The following RHOT1 variants were observed in gnomAD, a reference collection of about 807,000 sequenced individuals.
RHOT1 encodes ras homolog family member T1.
Under a neutral mutation model 95.3 loss-of-function variants are expected in RHOT1, and 27 were observed. The observed-to-expected ratio is 0.28, with a 90% CI of 0.21 to 0.39. RHOT1 has a LOEUF of 0.39. RHOT1 is among the 10% of genes least tolerant of loss of function. The pLI, the probability that RHOT1 is intolerant of heterozygous loss-of-function variation, is 1.00. For missense variants in RHOT1, 578 were observed against 786.7 expected (o/e 0.73, Z 3.17); for synonymous variants, 227 against 263.5 (o/e 0.86, Z 1.34).
At chr17:32,157,719 T>A (rs2033105026) in intron 1 of RHOT1, among the ~76,000 whole-genome samples, 1 of 151,804 alleles carries the variant, frequency 6.6e-6, no homozygotes, top group Non-Finnish European at 1.5e-5. Flanking sequence ...GACAGGAGAA[T>A]CAGCTTGAAC....
chr17:32,171,227 C>G (rs913432785), intron 2 of RHOT1, 126 bp downstream of exon 2: 48 of 631,108 alleles, frequency 7.6e-5, no homozygotes, highest in Non-Finnish European at 1.2e-4. Context: ...ACTTTTTTTT[C>G]TCCCTTCTTT....
chr17:32,178,388 C>T (rs949158356), intron 6 of RHOT1, among the ~76,000 whole-genome samples: 3 of 152,094 alleles, frequency 2.0e-5, no homozygotes, highest in Non-Finnish European at 2.9e-5. Flanking sequence ...GACGGACTTT[C>T]GCCGTGTTGA....
intron 9 of RHOT1, 147 bp downstream of exon 9, chr17:32,192,446 C>T: frequency 1.6e-6 from 1 of 612,696 alleles, no homozygotes; most frequent in South Asian, 2.0e-5. Context: ...TCACATCAAC[C>T]TATATATGCC....
rs995557360 is a variant in RHOT1 at position 32,163,756 on chromosome 17, C to A, written c.38-7287C>A. Reference sequence around the variant, plus strand: ...AAAAAAAAGAAAGGGAAAAAAAAAACAAAGAATGTTAACTATATTGGTGAT... The same window carrying A: ...AAAAAAAAGAAAGGGAAAAAAAAAAAAAAGAATGTTAACTATATTGGTGAT... On this transcript the variant is annotated intron_variant, in intron 1 of 19. Coordinates refer to ENST00000545287, the MANE Select transcript of RHOT1 (RefSeq NM_001033566.3). 1.1e-3 allele frequency among the ~76,000 whole-genome samples: 164 copies of A among 151,226 alleles called. 1 individual carries two copies. Among genetic ancestry groups the A allele is most frequent in the Non-Finnish European group, 1.8e-3 (120 of 67,758 alleles).
Position 32,208,247 on chromosome 17 carries a change from C to G in RHOT1, c.1677C>G (p.Cys559Trp), listed in dbSNP as rs1211725212. Residue 559 changes from cysteine to tryptophan, a missense_variant, in exon 18 of 20, where the codon TGC becomes TGG. Around this residue, in one of 4 missense-constraint regions of RHOT1, gnomAD observed 296 missense variants for 338.5 expected, o/e 0.87. Coordinates refer to ENST00000545287, the MANE Select transcript of RHOT1 (RefSeq NM_001033566.3). ...TGCCTCCACCACAAGCCTTCACTTG[C>G]AATACTGCTGATGCCCCCAGTAAGG... ...HKMPPPQAFTCNTADAPSKDI... is the reference protein window; with the variant it reads ...HKMPPPQAFTWNTADAPSKDI... 3.1e-6 allele frequency: 5 copies of G among 1,613,960 alleles called. No homozygotes were observed. Among genetic ancestry groups the G allele is most frequent in the African/African-American group, 2.7e-5 (2 of 74,928 alleles).
At chr17:32,199,355 G>A in intron 12 of RHOT1, 50 bp from the exon 13 acceptor site, 1 of 1,548,354 alleles carries the variant, frequency 6.5e-7, no homozygotes, top group South Asian at 1.2e-5. Context: ...TTTGAGTTGG[G>A]AATTATTATC....
At chr17:32,198,735 T>C (rs542020172) in intron 11 of RHOT1, among the ~76,000 whole-genome samples, 6 of 151,958 alleles carry the variant, frequency 3.9e-5, no homozygotes, top group Non-Finnish European at 5.9e-5. Context: ...AAAAAGAAAA[T>C]GTTGTTACTT....
chr17:32,166,457 G>C (rs915358687), intron 1 of RHOT1, among the ~76,000 whole-genome samples: 1 of 152,072 alleles, frequency 6.6e-6, no homozygotes, highest in Non-Finnish European at 1.5e-5. Context: ...GACATTTGCT[G>C]CATCGATTGA....
chr17:32,158,319 T>C (rs2033171222), intron 1 of RHOT1, among the ~76,000 whole-genome samples: 1 of 152,228 alleles, frequency 6.6e-6, no homozygotes, highest in African/African-American at 2.4e-5. Context: ...ACCCTGCATG[T>C]TCTAGTGTTT....
chr17:32,178,316 C>T (rs545142949), intron 6 of RHOT1, among the ~76,000 whole-genome samples: 35 of 152,048 alleles, frequency 2.3e-4, no homozygotes, highest in Admixed American at 1.8e-3. Flanking sequence ...CTCGGCCTAC[C>T]GAGTGCCTGG....
At chr17:32,145,964 C>G (rs145505188) in intron 1 of RHOT1, among the ~76,000 whole-genome samples, 148 of 152,286 alleles carry the variant, frequency 9.7e-4, no homozygotes, top group African/African-American at 3.0e-3. Flanking sequence ...TGCTGTGGGT[C>G]ATGACTGCAC....
chr17:32,193,100 G>A (rs760959400), intron 9 of RHOT1, 36 bp from the exon 10 acceptor site: 1 of 1,316,146 alleles, frequency 7.6e-7, no homozygotes, highest in East Asian at 2.3e-5. Flanking sequence ...TTTAACGCTG[G>A]TTTGTTTTTA....
At chr17:32,200,888 T>G (rs1274446499) in intron 13 of RHOT1, 68 bp from the exon 14 acceptor site, 3 of 1,169,890 alleles carry the variant, frequency 2.6e-6, no homozygotes, top group Non-Finnish European at 3.8e-6. Flanking sequence ...TTTTTAGCTA[T>G]TGGCTTTTTT....
At chr17:32,195,974 A>T (rs1339237381) in intron 11 of RHOT1, among the ~76,000 whole-genome samples, 2 of 152,078 alleles carry the variant, frequency 1.3e-5, no homozygotes, top group African/African-American at 4.8e-5. Context: ...ATTGTGGCTT[A>T]CACTAATCAC....
Position 32,182,773 on chromosome 17 carries a change from G to A in RHOT1, c.346G>A (p.Val116Ile), listed in dbSNP as rs868630272. The A allele has an allele frequency of 6.3e-7, 1 of 1,598,364 alleles. No individual in the cohort carries two copies. The highest frequency in any genetic ancestry group is 1.7e-4 in the Middle Eastern group (1 of 6,024). ...TTATTTTAGGCTGCCTTTAATATTG[G>A]TTGGGAACAAATCTGATCTGGTGGA... ...DKDSRLPLIL[V>I]GNKSDLVEYS... The change falls in exon 7 of 20, where the codon GTT (valine) becomes ATT (isoleucine). Residue 116 changes from valine to isoleucine, a missense_variant. By Grantham distance (29) the Val-to-Ile change is conservative (BLOSUM62 3). Transcript: ENST00000545287.
intron 19 of RHOT1, among the ~76,000 whole-genome samples, chr17:32,220,408 A>C (rs2038755190): frequency 2.0e-5 from 3 of 152,216 alleles, no homozygotes; most frequent in Admixed American, 1.3e-4. Context: ...CAGCAATAGG[A>C]GAATAGAATA....
intron 1 of RHOT1, among the ~76,000 whole-genome samples, chr17:32,152,600 AAGAG>A (rs1202710918): frequency 4.6e-5 from 7 of 151,880 alleles, no homozygotes; most frequent in Admixed American, 1.3e-4. Context: ...TGAAAAAAAA[AAGAG>A]AGAGAGAGAT....
chr17:32,152,682 T>C (rs1461520376), intron 1 of RHOT1, among the ~76,000 whole-genome samples: 1 of 152,160 alleles, frequency 6.6e-6, no homozygotes, highest in Non-Finnish European at 1.5e-5. Context: ...AAAACATCTC[T>C]TGAAAGCCTG....
intron 1 of RHOT1, among the ~76,000 whole-genome samples, chr17:32,167,793 G>A (rs1007107019): frequency 2.0e-5 from 3 of 152,160 alleles, no homozygotes; most frequent in Non-Finnish European, 4.4e-5. Context: ...CCAGCAACTT[G>A]GGAGACCAAG....
Sources: gnomAD v4.1 joint callset for allele counts (sites outside exome capture counted in the v4.1 genomes callset) on GRCh38, gnomAD v4.1.1 for gene constraint, gnomAD v4.1.1 regional missense constraint, MANE v1.5 for transcripts, NCBI Gene and HGNC (gene_info 2026-07-23, HGNC 2026-07-21) for gene names.